The following CNTN4 variants were observed in gnomAD, a reference collection of about 807,000 sequenced individuals.
CNTN4 encodes the protein contactin-4.
In CNTN4, 77 loss-of-function variants were observed where a neutral mutation model predicts 122.5. The observed-to-expected ratio is 0.63, with a 90% CI of 0.52 to 0.76. The LOEUF is 0.76. Among genes scored for constraint, CNTN4 ranks in the 30% least tolerant of loss-of-function variants. The pLI is 0.00. For missense variants in CNTN4, 1,256 were observed against 1,259.1 expected, an observed-to-expected ratio of 1.00 and a Z score of 0.04; for synonymous variants, 512 against 447.0, an observed-to-expected ratio of 1.15 and a Z score of -1.83.
At chr3:3,042,097 C>G (rs1046384412) in intron 20 of CNTN4, among the ~76,000 whole-genome samples, 1 of 152,146 alleles carries the variant, frequency 6.6e-6, no homozygotes. Context: ...TCTCTTCTAC[C>G]CACACCTAAA....
intron 3 of CNTN4, among the ~76,000 whole-genome samples, chr3:2,558,073 T>G (rs1024942723): frequency 6.6e-6 from 1 of 152,174 alleles, no homozygotes; most frequent in Non-Finnish European, 1.5e-5. Flanking sequence ...TATTAAAAAC[T>G]CTGATTTTCA....
chr3:2,499,453 G>A (rs1159720785), intron 3 of CNTN4, among the ~76,000 whole-genome samples: 3 of 152,066 alleles, frequency 2.0e-5, no homozygotes, highest in Non-Finnish European at 4.4e-5. Context: ...TATAATTATT[G>A]AATTTACTAA....
At position 2,924,127 on chromosome 3, in the gene CNTN4, A is replaced by G. The variant is rs188842541; in HGVS notation, c.1208-1502A>G. On this transcript the variant is annotated intron_variant, in intron 12 of 24. Transcript: ENST00000418658. ...GCATGAGAATACCAGCCCCAGGTGT[A>G]CATTGCATGGCCCTATTAAAAAGTG... Among the ~76,000 whole-genome samples the G allele has an allele frequency of 3.3e-5, 5 of 152,220 alleles. No individual in the cohort carries two copies. In the East Asian group the frequency reaches 5.8e-4, roughly 18 times the overall value.
intron 2 of CNTN4, among the ~76,000 whole-genome samples, chr3:2,119,430 G>T (rs190617187): frequency 2.0e-5 from 3 of 152,212 alleles, no homozygotes; most frequent in Admixed American, 1.3e-4. Context: ...AATTTTATTT[G>T]GATGTCCTTA....
Position 2,769,321 on chromosome 3 carries a change from C to T in CNTN4, c.358+23624C>T, listed in dbSNP as rs145298073. ...TACTAAAAATACAAAAACAATTAGTCGGGCGTGGTGGCGCACACCTGTAGT... is the reference window on the plus strand; with the variant it reads ...TACTAAAAATACAAAAACAATTAGTTGGGCGTGGTGGCGCACACCTGTAGT... On this transcript the variant is annotated intron_variant, in intron 6 of 24. Coordinates refer to ENST00000418658, the MANE Select transcript of CNTN4 (RefSeq NM_175607.3). Among the ~76,000 whole-genome samples, 438 of 152,006 alleles carry T rather than the reference C, an allele frequency of 2.9e-3. 2 individuals are homozygous for T. Among genetic ancestry groups the T allele is most frequent in the African/African-American group, 0.01 (428 of 41,486 alleles).
chr3:2,481,306 A>C (rs1348041483), intron 3 of CNTN4, among the ~76,000 whole-genome samples: 1 of 151,820 alleles, frequency 6.6e-6, no homozygotes. Flanking sequence ...ATGTCCAGCT[A>C]ATTTTTGTAT....
chr3:2,267,297 T>A (rs1212851651), intron 2 of CNTN4, among the ~76,000 whole-genome samples: 1 of 152,142 alleles, frequency 6.6e-6, no homozygotes, highest in African/African-American at 2.4e-5. Flanking sequence ...AAATATCTCC[T>A]CTTCTCATAG....
chr3:2,684,209 A>G (rs1000997349), intron 4 of CNTN4, among the ~76,000 whole-genome samples: 5 of 152,152 alleles, frequency 3.3e-5, no homozygotes, highest in African/African-American at 1.2e-4. Context: ...TGAGTTAGGG[A>G]TTTGAAAGCC....
intron 4 of CNTN4, among the ~76,000 whole-genome samples, chr3:2,733,108 T>C (rs892652260): frequency 5.9e-5 from 9 of 152,356 alleles, no homozygotes; most frequent in Non-Finnish European, 1.3e-4. Context: ...CCACAGTCTC[T>C]CAGCTGCATC....
chr3:2,189,859 G>A (rs143987331), intron 2 of CNTN4, among the ~76,000 whole-genome samples: 3 of 152,238 alleles, frequency 2.0e-5, no homozygotes, highest in African/African-American at 4.8e-5. Context: ...AGCCAAGGAC[G>A]GATGCCAAAT....
chr3:2,486,479 T>C (rs2076166338), intron 3 of CNTN4, among the ~76,000 whole-genome samples: 1 of 152,210 alleles, frequency 6.6e-6, no homozygotes, highest in African/African-American at 2.4e-5. Flanking sequence ...TTTAATATGA[T>C]AGTGAAAAAC....
chr3:2,443,757 A>T (rs2048520133), intron 3 of CNTN4, among the ~76,000 whole-genome samples: 1 of 152,122 alleles, frequency 6.6e-6, no homozygotes, highest in African/African-American at 2.4e-5. Flanking sequence ...GTTCATCCAT[A>T]AAGGGACCAA....
At chr3:2,626,338 G>GA (rs538976633) in intron 4 of CNTN4, among the ~76,000 whole-genome samples, 267 of 150,650 alleles carry the variant, frequency 1.8e-3, no homozygotes, top group Non-Finnish European at 3.4e-3. Context: ...CTAAAAATAC[G>GA]AAAAAAAAAT....
chr3:2,534,939 A>G (rs1207049513), intron 3 of CNTN4, among the ~76,000 whole-genome samples: 3 of 150,704 alleles, frequency 2.0e-5, no homozygotes, highest in African/African-American at 7.3e-5. Flanking sequence ...TGTGTTGAGG[A>G]GATGGGATTT....
chr3:2,447,880 A>T (rs915573077), intron 3 of CNTN4, among the ~76,000 whole-genome samples: 4 of 152,050 alleles, frequency 2.6e-5, no homozygotes, highest in Non-Finnish European at 5.9e-5. Context: ...TACTATTATT[A>T]TCCTAATTTT....
chr3:2,196,599 G>C (rs1318010691), intron 2 of CNTN4, among the ~76,000 whole-genome samples: 2 of 152,022 alleles, frequency 1.3e-5, no homozygotes, highest in Admixed American at 6.6e-5. Flanking sequence ...TCATTCAACA[G>C]TTACTAGTAC....
intron 2 of CNTN4, among the ~76,000 whole-genome samples, chr3:2,140,025 G>A (rs565945703): frequency 1.9e-4 from 29 of 152,164 alleles, no homozygotes; most frequent in African/African-American, 6.0e-4. Context: ...TAGCAAATGC[G>A]TCTCACAGGA....
intron 3 of CNTN4, among the ~76,000 whole-genome samples, chr3:2,382,617 G>A (rs1341388860): frequency 6.6e-6 from 1 of 152,180 alleles, no homozygotes; most frequent in Non-Finnish European, 1.5e-5. Context: ...GGCTATTTGA[G>A]TTTGAATTAC....
intron 4 of CNTN4, among the ~76,000 whole-genome samples, chr3:2,637,231 C>T (rs1254328160): frequency 6.6e-6 from 1 of 152,046 alleles, no homozygotes; most frequent in Non-Finnish European, 1.5e-5. Flanking sequence ...CCTGAGCCAC[C>T]GTACCTGGCC....
Sources: gnomAD v4.1 joint callset for allele counts (sites outside exome capture counted in the v4.1 genomes callset) on GRCh38, gnomAD v4.1.1 for gene constraint, MANE v1.5 for transcripts, NCBI Gene and HGNC (gene_info 2026-07-23, HGNC 2026-07-21) for gene names.